The following DPP10 variants were observed in gnomAD, a reference collection of about 807,000 sequenced individuals.
DPP10 encodes the protein inactive dipeptidyl peptidase 10.
In DPP10, 33 loss-of-function variants were observed where a neutral mutation model predicts 120.9. That is an observed-to-expected ratio of 0.27 (90% confidence interval 0.21 to 0.37). The LOEUF (loss-of-function observed/expected upper bound fraction) is 0.37. Among genes scored for constraint, DPP10 ranks in the 10% least tolerant of loss-of-function variants. The pLI is 1.00. For synonymous variants in DPP10, 337 were observed against 326.1 expected (o/e 1.03, Z -0.36); for missense variants, 816 against 942.8 (o/e 0.87, Z 1.76).
intron 21 of DPP10, among the ~76,000 whole-genome samples, chr2:115,835,480 A>G (rs918926342): frequency 6.6e-6 from 1 of 152,154 alleles, no homozygotes; most frequent in Admixed American, 6.5e-5. Context: ...ACCCTTGAAA[A>G]CATCTATACA....
intron 3 of DPP10, among the ~76,000 whole-genome samples, chr2:115,484,765 C>T (rs2075663768): frequency 6.6e-6 from 1 of 152,082 alleles, no homozygotes; most frequent in Non-Finnish European, 1.5e-5. Context: ...ATGCAGTCAG[C>T]CAGTTCGGGA....
At chr2:114,877,699 G>C (rs1218616181) in intron 1 of DPP10, among the ~76,000 whole-genome samples, 1 of 152,012 alleles carries the variant, frequency 6.6e-6, no homozygotes, top group Non-Finnish European at 1.5e-5. Context: ...GAAATGTCAA[G>C]ATGACAATAG....
chr2:114,847,482 T>C (rs1017294019), intron 1 of DPP10, among the ~76,000 whole-genome samples: 3 of 152,218 alleles, frequency 2.0e-5, no homozygotes, highest in Non-Finnish European at 4.4e-5. Context: ...GACACATTCT[T>C]AAGCATCTTA....
At chr2:115,367,598 T>C (rs1226484597) in intron 3 of DPP10, among the ~76,000 whole-genome samples, 2 of 151,950 alleles carry the variant, frequency 1.3e-5, no homozygotes, top group Non-Finnish European at 2.9e-5. Context: ...ATTATTAAAA[T>C]ATGTCTTATA....
At chr2:114,475,293 G>A (rs1680279960) in intron 1 of DPP10, among the ~76,000 whole-genome samples, 1 of 152,124 alleles carries the variant, frequency 6.6e-6, no homozygotes, top group Non-Finnish European at 1.5e-5. Context: ...GAATGAGTGA[G>A]GGTGCTATAT....
At chr2:115,047,535 A>G (rs1705158214) in intron 1 of DPP10, among the ~76,000 whole-genome samples, 1 of 152,028 alleles carries the variant, frequency 6.6e-6, no homozygotes, top group African/African-American at 2.4e-5. Context: ...ATTATTTTAA[A>G]CAGTAAAATT....
chr2:115,100,977 T>TA (rs2048665343), intron 1 of DPP10, among the ~76,000 whole-genome samples: 1 of 152,150 alleles, frequency 6.6e-6, no homozygotes, highest in African/African-American at 2.4e-5. Flanking sequence ...AACTTATTCT[T>TA]ACAGTTGTTT....
intron 1 of DPP10, among the ~76,000 whole-genome samples, chr2:115,107,247 C>T (rs922518101): frequency 2.0e-5 from 3 of 151,656 alleles, no homozygotes; most frequent in Non-Finnish European, 2.9e-5. Context: ...TAGGGATCAC[C>T]GATTTGACAG....
intron 1 of DPP10, among the ~76,000 whole-genome samples, chr2:114,770,116 C>A (rs1324844081): frequency 6.6e-6 from 1 of 152,014 alleles, no homozygotes; most frequent in Non-Finnish European, 1.5e-5. Context: ...TTCTAAAAGA[C>A]AAAGAGAAAA....
At chr2:114,810,714 C>T (rs1003315208) in intron 1 of DPP10, among the ~76,000 whole-genome samples, 2 of 152,098 alleles carry the variant, frequency 1.3e-5, no homozygotes, top group African/African-American at 4.8e-5. Context: ...TTATTCCTTG[C>T]TGATACCCAC....
intron 1 of DPP10, among the ~76,000 whole-genome samples, chr2:114,599,068 T>C (rs766397409): frequency 2.6e-5 from 4 of 151,890 alleles, no homozygotes; most frequent in Non-Finnish European, 5.9e-5. Context: ...TGGCAATTAC[T>C]ATATTATTTG....
At chr2:114,619,255 A>G (rs1267902348) in intron 1 of DPP10, among the ~76,000 whole-genome samples, 1 of 152,102 alleles carries the variant, frequency 6.6e-6, no homozygotes, top group Admixed American at 6.6e-5. Context: ...TAAACTTTTC[A>G]GTGGCAGTTT....
chr2:115,391,502 C>T (rs574696411), intron 3 of DPP10, among the ~76,000 whole-genome samples: 12 of 152,074 alleles, frequency 7.9e-5, no homozygotes, highest in Non-Finnish European at 1.2e-4. Flanking sequence ...TGGTGTCAGA[C>T]GAATCTGGAT....
intron 1 of DPP10, among the ~76,000 whole-genome samples, chr2:114,799,380 T>C (rs1292668518): frequency 1.3e-5 from 2 of 152,164 alleles, no homozygotes; most frequent in Admixed American, 6.5e-5. Context: ...CACAGGATCA[T>C]ACCTTAACTA....
chr2:115,069,569 C>T lies in DPP10; in HGVS notation c.61-239670C>T, dbSNP rs532867410. 7.7e-4 allele frequency among the ~76,000 whole-genome samples: 117 copies of T among 152,112 alleles called. 1 individual carries two copies. In the Middle Eastern group the frequency reaches 0.02, roughly 27 times the overall value. On this transcript the variant is annotated intron_variant, in intron 1 of 25. Coordinates refer to ENST00000410059, the MANE Select transcript of DPP10 (RefSeq NM_020868.6). The stretch of plus-strand genomic sequence containing the variant: ...TTCCTTACAGAAATCACAGTTTTAC[C>T]CTCAGTAATCTCAATACAATTACAA...
chr2:115,275,378 G>A (rs999386979), intron 1 of DPP10, among the ~76,000 whole-genome samples: 1 of 151,956 alleles, frequency 6.6e-6, no homozygotes, highest in African/African-American at 2.4e-5. Flanking sequence ...CGAATCTATC[G>A]ATGTATATTA....
At chr2:115,625,282 T>C (rs1011903711) in intron 5 of DPP10, among the ~76,000 whole-genome samples, 1 of 152,086 alleles carries the variant, frequency 6.6e-6, no homozygotes, top group Non-Finnish European at 1.5e-5. Flanking sequence ...AAAGGGAAAA[T>C]GTAAGTGTGG....
intron 3 of DPP10, among the ~76,000 whole-genome samples, chr2:115,490,359 C>G (rs116207447): frequency 1.3e-5 from 2 of 152,108 alleles, no homozygotes; most frequent in Admixed American, 1.3e-4. Flanking sequence ...AGAACTCACT[C>G]GCTATCAGGA....
At chr2:114,517,412 C>T (rs1027475718) in intron 1 of DPP10, among the ~76,000 whole-genome samples, 7 of 151,404 alleles carry the variant, frequency 4.6e-5, no homozygotes, top group East Asian at 1.9e-4. Flanking sequence ...CCCAGCTACT[C>T]GGGAGGCTGA....
Sources: allele counts gnomAD v4.1 joint callset (sites outside exome capture counted in the v4.1 genomes callset), GRCh38; gene constraint gnomAD v4.1.1; transcripts MANE v1.5; gene names NCBI Gene and HGNC (gene_info 2026-07-23, HGNC 2026-07-21).